Variants in NRXN3 observed in about 807,000 individuals in gnomAD.
NRXN3 encodes the protein neurexin 3, also known as neurexin III.
Under a neutral mutation model 137.6 loss-of-function variants are expected in NRXN3, and 32 were observed. The observed-to-expected ratio is 0.23, with a 90% CI of 0.18 to 0.31. The LOEUF (loss-of-function observed/expected upper bound fraction) is 0.31, where lower values mean the gene tolerates loss of function less well. Ranked by LOEUF, NRXN3 falls within the 10% of genes least tolerant of loss-of-function variation. The pLI, the probability that NRXN3 is intolerant of heterozygous loss-of-function variation, is 1.00. For missense variants in NRXN3, 1,574 were observed against 2,062.5 expected (o/e 0.76, Z 4.59); for synonymous variants, 798 against 784.5 (o/e 1.02, Z -0.29).
chr14:79,429,141 C>CT (rs956355817), intron 15 of NRXN3, among the ~76,000 whole-genome samples: 3 of 152,048 alleles, frequency 2.0e-5, no homozygotes, highest in Admixed American at 6.6e-5. Flanking sequence ...ATTTGATAAT[C>CT]TTTTTTTTCA....
chr14:79,479,223 T>C (rs1324173934), intron 16 of NRXN3, among the ~76,000 whole-genome samples: 1 of 152,120 alleles, frequency 6.6e-6, no homozygotes. Context: ...TAAAAACCCA[T>C]ATTCTTATCT....
intron 20 of NRXN3, among the ~76,000 whole-genome samples, chr14:79,829,812 A>AC (rs1433638048): frequency 6.7e-6 from 1 of 148,490 alleles, no homozygotes; most frequent in African/African-American, 2.4e-5. Context: ...GAATCCAATG[A>AC]CTTTTTTTTT....
intron 10 of NRXN3, among the ~76,000 whole-genome samples, chr14:78,817,095 T>G (rs540033197): frequency 1.3e-5 from 2 of 152,306 alleles, no homozygotes; most frequent in African/African-American, 4.8e-5. Flanking sequence ...TCTCCTACAT[T>G]ATTATTGATC....
At chr14:78,834,114 T>C (rs1333016061) in intron 10 of NRXN3, among the ~76,000 whole-genome samples, 1 of 150,650 alleles carries the variant, frequency 6.6e-6, no homozygotes, top group Non-Finnish European at 1.5e-5. Flanking sequence ...AAGGGAGGGG[T>C]GGTGGTGGGA....
intron 7 of NRXN3, among the ~76,000 whole-genome samples, chr14:78,713,048 T>C (rs549779022): frequency 6.6e-6 from 1 of 152,346 alleles, no homozygotes; most frequent in Non-Finnish European, 1.5e-5. Flanking sequence ...ATACCTATTT[T>C]AAAATTTCTG....
At chr14:78,386,113 G>A (rs1190352578) in intron 4 of NRXN3, among the ~76,000 whole-genome samples, 1 of 152,024 alleles carries the variant, frequency 6.6e-6, no homozygotes, top group Non-Finnish European at 1.5e-5. Flanking sequence ...AGAGACGGGA[G>A]GATAATAGAG....
intron 16 of NRXN3, among the ~76,000 whole-genome samples, chr14:79,496,375 T>A (rs1355323108): frequency 6.6e-6 from 1 of 152,004 alleles, no homozygotes; most frequent in Non-Finnish European, 1.5e-5. Flanking sequence ...AAAAATCTGA[T>A]CTGTGGTGAA....
At chr14:79,300,155 G>A (rs568855649) in intron 15 of NRXN3, among the ~76,000 whole-genome samples, 5 of 152,098 alleles carry the variant, frequency 3.3e-5, no homozygotes, top group South Asian at 2.1e-4. Flanking sequence ...TGGATTTTTA[G>A]CATTTCATCC....
intron 4 of NRXN3, among the ~76,000 whole-genome samples, chr14:78,406,348 C>A (rs987751286): frequency 1.3e-5 from 2 of 152,196 alleles, no homozygotes; most frequent in South Asian, 4.2e-4. Flanking sequence ...TGGACCCTAC[C>A]CCCCCGGAAG....
At chr14:79,435,686 G>A (rs1472159969) in intron 15 of NRXN3, among the ~76,000 whole-genome samples, 1 of 151,740 alleles carries the variant, frequency 6.6e-6, no homozygotes, top group Non-Finnish European at 1.5e-5. Context: ...CCCAGGCTAA[G>A]TGCAGTGGCA....
intron 4 of NRXN3, among the ~76,000 whole-genome samples, chr14:78,375,909 C>T (rs1186422691): frequency 6.6e-6 from 1 of 151,928 alleles, no homozygotes; most frequent in Non-Finnish European, 1.5e-5. Context: ...TCATGACTCC[C>T]AAGGAACCCT....
At chr14:78,711,437 T>C (rs1445377945) in intron 7 of NRXN3, among the ~76,000 whole-genome samples, 1 of 5,570 alleles carries the variant, frequency 1.8e-4, no homozygotes, top group South Asian at 0.018. Flanking sequence ...CTTTTCTCTT[T>C]TTTTTTTTTT....
intron 15 of NRXN3, among the ~76,000 whole-genome samples, chr14:79,243,150 G>A (rs1469176233): frequency 6.6e-6 from 1 of 152,042 alleles, no homozygotes; most frequent in East Asian, 1.9e-4. Context: ...CCCATGTACT[G>A]GGTACTATAT....
intron 4 of NRXN3, among the ~76,000 whole-genome samples, chr14:78,628,568 C>T: frequency 6.6e-6 from 1 of 152,172 alleles, no homozygotes; most frequent in East Asian, 1.9e-4. Flanking sequence ...AACTTAAAGC[C>T]TTCAAGTAAC....
chr14:79,154,045 T>C (rs2060031732), intron 15 of NRXN3, among the ~76,000 whole-genome samples: 1 of 152,084 alleles, frequency 6.6e-6, no homozygotes, highest in Admixed American at 6.6e-5. Flanking sequence ...TGCAAACTCT[T>C]TCCTTTTGGC....
intron 10 of NRXN3, among the ~76,000 whole-genome samples, chr14:78,937,432 A>G (rs2099344386): frequency 6.6e-6 from 1 of 152,158 alleles, no homozygotes; most frequent in South Asian, 2.1e-4. Flanking sequence ...CTCACCTGGC[A>G]AAACAGTCCT....
Position 78,550,742 on chromosome 14 carries a change from A to G in NRXN3, c.758-94378A>G, listed in dbSNP as rs576725059. Among the ~76,000 whole-genome samples, 9 of 152,284 alleles carry G rather than the reference A, an allele frequency of 5.9e-5. No individual in the cohort carries two copies. The South Asian group carries it at 1.9e-3, about 32-fold the overall frequency. ...ACTTCCGGGTTTGGAGATTTAGAGG[A>G]TAAGTCTAGGCTTCACCCAAATACC... On this transcript the variant is annotated intron_variant, in intron 4 of 20. Coordinates refer to ENST00000335750, the MANE Select transcript of NRXN3 (RefSeq NM_001330195.2).
intron 1 of NRXN3, among the ~76,000 whole-genome samples, chr14:78,186,566 T>C (rs911324746): frequency 1.3e-5 from 2 of 152,246 alleles, no homozygotes; most frequent in African/African-American, 4.8e-5. Flanking sequence ...GGTTATGCGC[T>C]CTGGACTATG....
chr14:78,361,456 A>AG (rs2085103318), intron 4 of NRXN3, among the ~76,000 whole-genome samples: 1 of 152,214 alleles, frequency 6.6e-6, no homozygotes, highest in Non-Finnish European at 1.5e-5. Flanking sequence ...ATAGTCTGCA[A>AG]GGGGCCAAGA....
Sources: allele counts gnomAD v4.1 joint callset (sites outside exome capture counted in the v4.1 genomes callset), GRCh38; gene constraint gnomAD v4.1.1; transcripts MANE v1.5; gene names NCBI Gene and HGNC (gene_info 2026-07-23, HGNC 2026-07-21).